SFXN5: variants seen among roughly 807,000 people sequenced by gnomAD.
SFXN5 encodes the protein sideroflexin-5.
A neutral mutation model predicts 50.2 loss-of-function variants in SFXN5; 43 were observed. The ratio of observed to expected loss-of-function variants is 0.86; its 90% confidence interval spans 0.67 to 1.11. SFXN5 has a LOEUF of 1.11. Among genes scored for constraint, SFXN5 ranks in the 50% least tolerant of loss-of-function variants. The pLI is 0.00. For synonymous variants in SFXN5, 203 were observed against 185.8 expected (o/e 1.09, Z -0.75); for missense variants, 463 against 454.1 (o/e 1.02, Z -0.18).
At chr2:72,962,628 G>C (rs1244656665) in intron 12 of SFXN5, among the ~76,000 whole-genome samples, 1 of 152,204 alleles carries the variant, frequency 6.6e-6, no homozygotes, top group Non-Finnish European at 1.5e-5. Flanking sequence ...GGATGTTCCT[G>C]CTCAGGTATT....
At chr2:73,033,580 A>C (rs776772748) in intron 3 of SFXN5, among the ~76,000 whole-genome samples, 5 of 152,226 alleles carry the variant, frequency 3.3e-5, no homozygotes, top group Non-Finnish European at 5.9e-5. Context: ...GCTCTGGTAG[A>C]CAGAACAGCC....
chr2:72,964,927 AG>A (rs911332025), intron 12 of SFXN5, among the ~76,000 whole-genome samples: 10 of 152,212 alleles, frequency 6.6e-5, no homozygotes, highest in African/African-American at 2.4e-4. Flanking sequence ...TGGATACGGA[AG>A]GGGGGAAGGG....
intron 2 of SFXN5, among the ~76,000 whole-genome samples, chr2:73,046,495 G>C (rs542591110): frequency 1.0e-3 from 159 of 151,688 alleles, no homozygotes; most frequent in African/African-American, 3.5e-3. Flanking sequence ...AGACCAAAAA[G>C]TCTAATGGGA....
rs1327765612 is a variant in SFXN5 at position 72,943,242 on chromosome 2, A to C, written c.*1780T>G. On this transcript the variant is annotated 3_prime_UTR_variant, in exon 14 of 14. Transcript: ENST00000272433. ...AGCGGCTGGCAGAGAGGCAACGGCCATGCCCATGGAAGGCCCACCTCAGCA... is the reference window on the plus strand; with the variant it reads ...AGCGGCTGGCAGAGAGGCAACGGCCCTGCCCATGGAAGGCCCACCTCAGCA... 1 of 152,248 alleles carries C rather than the reference A, an allele frequency of 6.6e-6. No homozygotes were observed. Among genetic ancestry groups the C allele is most frequent in the Non-Finnish European group, 1.5e-5 (1 of 68,080 alleles). The allele number at this position is 152,248 out of a possible 1,614,324, so 9.4% of individuals were successfully genotyped here.
chr2:73,001,272 G>A (rs1270706150), intron 7 of SFXN5, among the ~76,000 whole-genome samples: 3 of 152,262 alleles, frequency 2.0e-5, no homozygotes, highest in Non-Finnish European at 2.9e-5. Flanking sequence ...GCAGGGGCAC[G>A]CAGCCCTCAT....
chr2:73,007,682 C>G (rs566673679), intron 6 of SFXN5, among the ~76,000 whole-genome samples: 1 of 152,166 alleles, frequency 6.6e-6, no homozygotes, highest in Non-Finnish European at 1.5e-5. Context: ...ATCTCATCCC[C>G]TTCCGCCACA....
intron 2 of SFXN5, among the ~76,000 whole-genome samples, chr2:73,046,405 T>A (rs1416736465): frequency 8.2e-6 from 1 of 121,776 alleles, no homozygotes; most frequent in Non-Finnish European, 1.6e-5. Flanking sequence ...TGAGACTCCA[T>A]CTCAAAAAAA....
chr2:73,067,883 G>A (rs1403035392), intron 1 of SFXN5, among the ~76,000 whole-genome samples: 1 of 152,196 alleles, frequency 6.6e-6, no homozygotes, highest in African/African-American at 2.4e-5. Flanking sequence ...TACTTAATCT[G>A]TTTGTGTGCT....
At chr2:73,040,272 C>T (rs928599967) in intron 3 of SFXN5, among the ~76,000 whole-genome samples, 7 of 152,114 alleles carry the variant, frequency 4.6e-5, no homozygotes, top group African/African-American at 1.7e-4. Context: ...TAACTACTAC[C>T]TTCCCTTACC....
Position 73,022,504 on chromosome 2 carries a change from A to G in SFXN5, c.331+18T>C. The G allele has an allele frequency of 6.2e-7, 1 of 1,607,100 alleles. No homozygotes were observed. Among genetic ancestry groups the G allele is most frequent in the Middle Eastern group, 1.7e-4 (1 of 6,050 alleles). ...GCACCCCAGGCTGACCAGAACCAGA[A>G]GGGCCCCAGGAGCTTACCTGACATT... is the stretch of plus-strand genomic sequence containing the variant. On this transcript the variant is annotated intron_variant, in intron 5 of 13. Coordinates refer to ENST00000272433, the MANE Select transcript of SFXN5 (RefSeq NM_144579.3).
chr2:72,956,992 C>T (rs1273206143), intron 13 of SFXN5: 2 of 456,490 alleles, frequency 4.4e-6, no homozygotes, highest in East Asian at 6.9e-5. Context: ...ACTCTGGAGA[C>T]AGCCCCTCCT....
intron 1 of SFXN5, chr2:73,059,718 G>GA (rs1682597178): frequency 1.0e-6 from 1 of 980,074 alleles, no homozygotes; most frequent in Admixed American, 6.2e-5. Context: ...ATTCCTAACA[G>GA]AAACAGCTGC....
intron 12 of SFXN5, among the ~76,000 whole-genome samples, chr2:72,964,587 C>G (rs1413347159): frequency 6.6e-6 from 1 of 152,228 alleles, no homozygotes; most frequent in African/African-American, 2.4e-5. Context: ...GCTCACTCTG[C>G]TACACTGCCC....
chr2:73,038,441 T>C (rs1021282238), intron 3 of SFXN5, among the ~76,000 whole-genome samples: 3 of 152,162 alleles, frequency 2.0e-5, no homozygotes, highest in Non-Finnish European at 4.4e-5. Flanking sequence ...TACAGTACTA[T>C]AGACTTTATA....
intron 6 of SFXN5, among the ~76,000 whole-genome samples, chr2:73,008,705 C>T (rs916299303): frequency 2.0e-5 from 3 of 152,180 alleles, no homozygotes; most frequent in Non-Finnish European, 2.9e-5. Context: ...AAGGGAGTGA[C>T]GAACCGCAGA....
At chr2:73,021,084 G>A (rs1676825491) in intron 5 of SFXN5, among the ~76,000 whole-genome samples, 2 of 152,200 alleles carry the variant, frequency 1.3e-5, no homozygotes, top group South Asian at 4.1e-4. Context: ...GAGAGAACCA[G>A]AGTTTGATCA....
chr2:72,992,834 C>T lies in SFXN5; in HGVS notation c.535-4486G>A, dbSNP rs948360171. Among the ~76,000 whole-genome samples, 2 of 152,182 alleles carry T rather than the reference C, an allele frequency of 1.3e-5. No homozygotes were observed. The highest frequency in any genetic ancestry group is 2.4e-5 in the African/African-American group (1 of 41,438). On this transcript the variant is annotated intron_variant, in intron 9 of 13. Transcript: ENST00000272433. The surrounding 1 kb of genome is among the most constrained non-coding windows in gnomAD (Gnocchi z 4.5). ...AACATGGCGACTTGCTTAAAGCCTTCGGTGACACTGGAGGAGCCACACGGC... is the reference window on the plus strand; with the variant it reads ...AACATGGCGACTTGCTTAAAGCCTTTGGTGACACTGGAGGAGCCACACGGC...
chr2:73,010,775 T>C (rs970517489), intron 6 of SFXN5, among the ~76,000 whole-genome samples: 1 of 152,238 alleles, frequency 6.6e-6, no homozygotes, highest in African/African-American at 2.4e-5. Context: ...TAAAATGTGT[T>C]CTTCTAATTG....
intron 2 of SFXN5, among the ~76,000 whole-genome samples, chr2:73,057,019 C>T (rs1682229047): frequency 6.6e-6 from 1 of 152,168 alleles, no homozygotes; most frequent in Non-Finnish European, 1.5e-5. Flanking sequence ...TGGAAAGAAT[C>T]CAGGTGTTTA....
Sources: allele counts gnomAD v4.1 joint callset (sites outside exome capture counted in the v4.1 genomes callset), GRCh38; gene constraint gnomAD v4.1.1; non-coding constraint Gnocchi (gnomAD v3.1); transcripts MANE v1.5; gene names NCBI Gene and HGNC (gene_info 2026-07-23, HGNC 2026-07-21).